The following HOXC5 variants were observed in gnomAD, a reference collection of about 807,000 sequenced individuals.
HOXC5 encodes homeobox protein Hox-C5.
HOXC5 carries 19 observed loss-of-function variants against 20.1 expected under a neutral mutation model. The ratio of observed to expected loss-of-function variants is 0.94; its 90% CI spans 0.66 to 1.38. The LOEUF (loss-of-function observed/expected upper bound fraction) is 1.38, where lower values mean the gene tolerates loss of function less well. Among genes scored for constraint, HOXC5 ranks in the 40% most tolerant of loss-of-function variants. The pLI is 0.00. For missense variants in HOXC5, 330 were observed against 300.1 expected, an observed-to-expected ratio of 1.10 and a Z score of -0.74; for synonymous variants, 124 against 117.0, an observed-to-expected ratio of 1.06 and a Z score of -0.39.
At chr12:54,029,030 T>A, upstream of HOXC5, 1 of 1,064,784 alleles carries the variant, frequency 9.4e-7, no homozygotes, top group Non-Finnish European at 1.3e-6. Flanking sequence ...ATAAAAACAA[T>A]CACGCTCGTC....
the HOXC5 span, among the ~76,000 whole-genome samples, chr12:54,027,416 A>G: frequency 1.3e-5 from 2 of 152,316 alleles, no homozygotes; most frequent in South Asian, 2.1e-4. Flanking sequence ...CTAACTGTCC[A>G]TCAGAGCCCC....
Position 54,034,570 on chromosome 12 carries a change from T to A in HOXC5, c.*78T>A. The A allele has an allele frequency of 8.0e-7, 1 of 1,257,280 alleles. No individual in the cohort carries two copies. Among genetic ancestry groups the A allele is most frequent in the Non-Finnish European group, 1.1e-6 (1 of 884,022 alleles). 77.9% of individuals were successfully genotyped at this position (1,257,280 alleles called of 1,614,324 possible). On this transcript the variant is annotated 3_prime_UTR_variant, in exon 2 of 2. Coordinates refer to ENST00000312492, the MANE Select transcript of HOXC5 (RefSeq NM_018953.4). ...GCCTTTCCTTTTCGCCTTTCCTCTC[T>A]ATATTTCGGGTCGGGGGCAGGTGCT... is the stretch of plus-strand genomic sequence containing the variant.
upstream of HOXC5, among the ~76,000 whole-genome samples, chr12:54,032,490 C>G (rs1271843723): frequency 2.6e-5 from 4 of 152,226 alleles, no homozygotes; most frequent in East Asian, 7.7e-4. Context: ...GCATAGGCCA[C>G]CTTACCTAAC....
chr12:54,021,533 AG>A, the HOXC5 span: 1 of 152,236 alleles, frequency 6.6e-6, no homozygotes, highest in African/African-American at 2.4e-5. Flanking sequence ...ACCCCATAAA[AG>A]AAAGCAGGGA....
chr12:54,023,120 C>T, the HOXC5 span, among the ~76,000 whole-genome samples: 2 of 152,200 alleles, frequency 1.3e-5, no homozygotes, highest in Non-Finnish European at 2.9e-5. Context: ...TGTCCCCAGG[C>T]TCTCCCCAAG....
chr12:54,033,236 C>A lies in HOXC5; in HGVS notation c.114C>A (p.Tyr38Ter). Residue 38 changes from tyrosine (Y) to a stop codon, truncating the protein, a stop_gained, in exon 1 of 2, where the codon TAC (tyrosine) becomes TAA (stop). Transcript: ENST00000312492. LOFTEE classifies it high-confidence loss of function. The stretch of plus-strand genomic sequence containing the variant: ...CCTCAGAGGTGCAGGCATCCAGGTA[C>A]TGCTACGGCGGATTGGACTTAAGCA... ...GSASEVQASRYCYGGLDLSIT... is the reference protein window; with the variant it reads ...GSASEVQASR 2 of 1,614,208 alleles carry A rather than the reference C, an allele frequency of 1.2e-6. No homozygotes were observed. The highest frequency in any genetic ancestry group is 1.7e-6 in the Non-Finnish European group (2 of 1,180,044).
the HOXC5 span, among the ~76,000 whole-genome samples, chr12:54,017,659 G>T: frequency 6.6e-6 from 1 of 151,986 alleles, no homozygotes; most frequent in Non-Finnish European, 1.5e-5. Flanking sequence ...GGGTGGGGAG[G>T]CAAGGGAACA....
At chr12:54,022,876 TAGA>T in the HOXC5 span, among the ~76,000 whole-genome samples, 1 of 152,166 alleles carries the variant, frequency 6.6e-6, no homozygotes, top group Non-Finnish European at 1.5e-5. Context: ...TGGAGGGGTA[TAGA>T]AGAAGCCAGG....
chr12:54,031,640 G>GA (rs1940991644), upstream of HOXC5, among the ~76,000 whole-genome samples: 1 of 152,146 alleles, frequency 6.6e-6, no homozygotes, highest in Non-Finnish European at 1.5e-5. Context: ...TCTCCGGAGG[G>GA]AAAAAATCCG....
the HOXC5 span, among the ~76,000 whole-genome samples, chr12:54,023,831 T>C: frequency 1.3e-5 from 2 of 152,096 alleles, no homozygotes; most frequent in Admixed American, 6.6e-5. Flanking sequence ...CCCCATCATA[T>C]CTATGGGAAA....
upstream of HOXC5, chr12:54,028,609 G>A (rs766957178): frequency 3.1e-6 from 5 of 1,613,956 alleles, no homozygotes; most frequent in East Asian, 4.5e-5. Context: ...CAATTCCACC[G>A]CCTATGATCC....
chr12:54,029,666 G>A (rs763888269), upstream of HOXC5: 4 of 1,612,394 alleles, frequency 2.5e-6, no homozygotes, highest in Non-Finnish European at 3.4e-6. Flanking sequence ...GGTCGGCTAC[G>A]GAGCGGACCG....
At chr12:54,025,527 TGG>T in the HOXC5 span, among the ~76,000 whole-genome samples, 6 of 12,696 alleles carry the variant, frequency 4.7e-4, no homozygotes, top group Non-Finnish European at 1.7e-3. Flanking sequence ...GAAAGGTAAT[TGG>T]GGGGGGGGGA....
the HOXC5 span, among the ~76,000 whole-genome samples, chr12:54,026,052 C>T: frequency 6.6e-6 from 1 of 152,110 alleles, no homozygotes; most frequent in Non-Finnish European, 1.5e-5. Context: ...TTGTACATTG[C>T]AACAATTTAA....
upstream of HOXC5, chr12:54,028,426 T>A (rs1940827224): frequency 1.4e-5 from 19 of 1,357,714 alleles, no homozygotes; most frequent in South Asian, 2.7e-4. Flanking sequence ...CTGTCCTGGA[T>A]TGGAGCCGTC....
upstream of HOXC5, among the ~76,000 whole-genome samples, chr12:54,031,000 G>A (rs1940964410): frequency 6.6e-6 from 1 of 152,236 alleles, no homozygotes; most frequent in Non-Finnish European, 1.5e-5. Context: ...CGCACTGAGG[G>A]GCTGGGAGGC....
At chr12:54,024,412 T>A in the HOXC5 span, among the ~76,000 whole-genome samples, 1 of 152,240 alleles carries the variant, frequency 6.6e-6, no homozygotes, top group African/African-American at 2.4e-5. Flanking sequence ...AGTATGTGTA[T>A]CTGTGTGCGA....
At chr12:54,028,698 G>A (rs1940843553), upstream of HOXC5, 2 of 1,613,968 alleles carry the variant, frequency 1.2e-6, no homozygotes, top group Non-Finnish European at 1.7e-6. Flanking sequence ...CGCCACAGGA[G>A]AATGTCGTGT....
In HOXC5 at chr12:54,034,115, C is replaced by T. The variant is rs1941105891; in HGVS notation, c.455-163C>T. 6 of 743,370 alleles carry T rather than the reference C, an allele frequency of 8.1e-6. No homozygotes were observed. The Admixed American group carries it at 9.9e-5, about 12-fold the overall frequency. The allele number at this position is 743,370 out of a possible 1,614,324, so 46.0% of individuals were successfully genotyped here. ...CCTGCCTGGGCGGAGGCGCCTCTCC[C>T]GGGGCTGGGCTGGGCTGGCCCGCCT... On this transcript the variant is annotated intron_variant, in intron 1 of 1. Coordinates refer to ENST00000312492, the MANE Select transcript of HOXC5 (RefSeq NM_018953.4).
Sources: gnomAD v4.1 joint callset for allele counts (sites outside exome capture counted in the v4.1 genomes callset) on GRCh38, gnomAD v4.1.1 for gene constraint, MANE v1.5 for transcripts, NCBI Gene and HGNC (gene_info 2026-07-23, HGNC 2026-07-21) for gene names.